The following TMEM266 variants were observed in gnomAD, a reference collection of about 807,000 sequenced individuals.
TMEM266 encodes transmembrane protein 266.
In TMEM266, 33 loss-of-function variants were observed where a neutral mutation model predicts 50.5. The ratio of observed to expected loss-of-function variants is 0.65; its 90% CI spans 0.50 to 0.87. The LOEUF (loss-of-function observed/expected upper bound fraction) is 0.87. Among genes scored for constraint, TMEM266 ranks in the 40% least tolerant of loss-of-function variants. The pLI is 0.00. For missense variants in TMEM266, 655 were observed against 695.1 expected (o/e 0.94, Z 0.65); for synonymous variants, 310 against 292.3 (o/e 1.06, Z -0.62).
intron 1 of TMEM266, among the ~76,000 whole-genome samples, chr15:76,107,222 G>A (rs957844075): frequency 6.6e-6 from 1 of 152,100 alleles, no homozygotes; most frequent in Non-Finnish European, 1.5e-5. Flanking sequence ...AGAAAATATT[G>A]TCAATGAGAT....
At chr15:76,090,434 G>A (rs1596097879) in intron 1 of TMEM266, among the ~76,000 whole-genome samples, 1 of 148,616 alleles carries the variant, frequency 6.7e-6, no homozygotes, top group African/African-American at 2.5e-5. Flanking sequence ...GGAGGTTGCC[G>A]TGAGCCAAGA....
At chr15:76,125,846 T>TAAA (rs34379905) in intron 1 of TMEM266, among the ~76,000 whole-genome samples, 3 of 116,446 alleles carry the variant, frequency 2.6e-5, no homozygotes, top group African/African-American at 9.5e-5. Flanking sequence ...AGACTCCATG[T>TAAA]AAAAAAAAAA....
At chr15:76,116,685 T>C (rs1436202178) in intron 1 of TMEM266, among the ~76,000 whole-genome samples, 4 of 152,168 alleles carry the variant, frequency 2.6e-5, no homozygotes, top group African/African-American at 9.7e-5. Context: ...TGCAAAACTC[T>C]AGGACAACAG....
At chr15:76,061,481 T>G (rs2036302643) in intron 1 of TMEM266, among the ~76,000 whole-genome samples, 1 of 152,182 alleles carries the variant, frequency 6.6e-6, no homozygotes, top group African/African-American at 2.4e-5. Context: ...CTGAGGGGGC[T>G]TTTCCTCCAG....
At position 76,127,085 on chromosome 15, in the gene TMEM266, T is replaced by A. The variant is rs1452721267; in HGVS notation, c.-96-7083T>A. ...CAACATATTGTATGCTTAAATTTGC[T>A]GAGAGGAAATCTCCAGTATTCTCAT... is the stretch of plus-strand genomic sequence containing the variant. On this transcript the variant is annotated intron_variant, in intron 1 of 10. Transcript: ENST00000388942. Among the ~76,000 whole-genome samples, 3 of 152,152 alleles carry A rather than the reference T, an allele frequency of 2.0e-5. No individual in the cohort carries two copies. In the East Asian group the frequency reaches 5.8e-4, roughly 29 times the overall value.
intron 4 of TMEM266, among the ~76,000 whole-genome samples, chr15:76,157,441 T>A (rs2037944255): frequency 6.6e-6 from 1 of 152,334 alleles, no homozygotes; most frequent in South Asian, 2.1e-4. Flanking sequence ...TCTCTTCCTC[T>A]TGGCATTTGT....
intron 1 of TMEM266, among the ~76,000 whole-genome samples, chr15:76,133,616 G>T (rs531778313): frequency 6.6e-6 from 1 of 152,212 alleles, no homozygotes; most frequent in Admixed American, 6.5e-5. Flanking sequence ...CTCACTCCAG[G>T]TCACAGAGCT....
intron 5 of TMEM266, among the ~76,000 whole-genome samples, chr15:76,166,797 G>A (rs1219430285): frequency 6.6e-6 from 1 of 152,204 alleles, no homozygotes; most frequent in African/African-American, 2.4e-5. Context: ...GGTAGAATAG[G>A]GAGTTACTGT....
At chr15:76,079,536 T>C (rs1259543832) in intron 1 of TMEM266, among the ~76,000 whole-genome samples, 2 of 150,416 alleles carry the variant, frequency 1.3e-5, no homozygotes, top group African/African-American at 4.9e-5. Context: ...ACGCCTGTAG[T>C]CCCAGAACTT....
intron 3 of TMEM266, among the ~76,000 whole-genome samples, chr15:76,143,977 G>A (rs2037719136): frequency 6.6e-6 from 1 of 152,066 alleles, no homozygotes; most frequent in Admixed American, 6.6e-5. Flanking sequence ...GAGTGTCTGT[G>A]GAATGATCTA....
chr15:76,173,800 A>T (rs1462399721), intron 7 of TMEM266, among the ~76,000 whole-genome samples: 1 of 151,794 alleles, frequency 6.6e-6, no homozygotes, highest in Non-Finnish European at 1.5e-5. Context: ...GAGTGTGGTG[A>T]TGCACGCCTG....
At chr15:76,203,720 A>G (rs984368921) in intron 10 of TMEM266, 21 bp from the exon 11 acceptor site, 1 of 1,599,654 alleles carries the variant, frequency 6.3e-7, no homozygotes, top group Admixed American at 1.7e-5. Context: ...AGTGTGACCA[A>G]GATCCCCTCC....
intron 1 of TMEM266, among the ~76,000 whole-genome samples, chr15:76,069,300 A>G (rs1941752035): frequency 1.3e-5 from 2 of 152,138 alleles, no homozygotes; most frequent in South Asian, 4.1e-4. Flanking sequence ...TAAGGAATAG[A>G]TCAAAGGACA....
At chr15:76,202,398 G>A (rs2038762901) in intron 10 of TMEM266, 134 bp downstream of exon 10, 6 of 787,004 alleles carry the variant, frequency 7.6e-6, no homozygotes, top group Non-Finnish European at 1.2e-5. Context: ...AGTGCTCAAG[G>A]TTAAAATATC....
At chr15:76,121,770 C>T (rs922213062) in intron 1 of TMEM266, among the ~76,000 whole-genome samples, 5 of 152,102 alleles carry the variant, frequency 3.3e-5, no homozygotes, top group African/African-American at 4.8e-5. Context: ...TGCCTGCCAG[C>T]GTGAGGAATC....
At chr15:76,076,384 C>A (rs1474452943) in intron 1 of TMEM266, among the ~76,000 whole-genome samples, 1 of 152,112 alleles carries the variant, frequency 6.6e-6, no homozygotes, top group Non-Finnish European at 1.5e-5. Flanking sequence ...CTTGGACCCT[C>A]AAGCAATGGG....
At chr15:76,120,489 G>A (rs536602884) in intron 1 of TMEM266, among the ~76,000 whole-genome samples, 4 of 152,112 alleles carry the variant, frequency 2.6e-5, no homozygotes, top group East Asian at 1.9e-4. Flanking sequence ...GGCCGGGTGC[G>A]GTGGCTCACG....
chr15:76,199,569 A>G (rs573191954), intron 9 of TMEM266, among the ~76,000 whole-genome samples: 7 of 152,294 alleles, frequency 4.6e-5, no homozygotes, highest in East Asian at 1.9e-4. Flanking sequence ...CAAGCTCCAC[A>G]TGAGTTGGCA....
Position 76,161,815 on chromosome 15 carries a change from C to T in TMEM266, c.456+1647C>T, listed in dbSNP as rs8033065. ...CCCTCCCTGGCCTCTTGTCTCTGCCCGGCCAGGATTCCCTCCCGCAAACAC... is the reference window on the plus strand; with the variant it reads ...CCCTCCCTGGCCTCTTGTCTCTGCCTGGCCAGGATTCCCTCCCGCAAACAC... On this transcript the variant is annotated intron_variant, in intron 5 of 10. Transcript: ENST00000388942. This position sits in a 1 kb window ranked among gnomAD's most constrained non-coding sequence, Gnocchi z 4.1. Among the ~76,000 whole-genome samples, 4 of 152,204 alleles carry T rather than the reference C, an allele frequency of 2.6e-5. No homozygotes were observed. The highest frequency in any genetic ancestry group is 5.9e-5 in the Non-Finnish European group (4 of 68,034).
Sources: allele counts gnomAD v4.1 joint callset (sites outside exome capture counted in the v4.1 genomes callset), GRCh38; gene constraint gnomAD v4.1.1; non-coding constraint Gnocchi (gnomAD v3.1); transcripts MANE v1.5; gene names NCBI Gene and HGNC (gene_info 2026-07-23, HGNC 2026-07-21).